The following SUMF1 variants were observed in gnomAD, a reference collection of about 807,000 sequenced individuals.
SUMF1 encodes formylglycine-generating enzyme.
In SUMF1, 48 loss-of-function variants were observed where a neutral mutation model predicts 47.6. The ratio of observed to expected loss-of-function variants is 1.01; its 90% CI spans 0.80 to 1.28. The LOEUF (loss-of-function observed/expected upper bound fraction) is 1.28. Among genes scored for constraint, SUMF1 ranks in the 50% most tolerant of loss-of-function variants. SUMF1 has a pLI of 0.00. For synonymous variants in SUMF1, 230 were observed against 192.1 expected (o/e 1.20, Z -1.63); for missense variants, 571 against 485.4 (o/e 1.18, Z -1.66).
intron 8 of SUMF1, among the ~76,000 whole-genome samples, chr3:4,175,383 T>C (rs1694936221): frequency 6.6e-6 from 1 of 152,128 alleles, no homozygotes; most frequent in African/African-American, 2.4e-5. Flanking sequence ...CTGCTGGTGA[T>C]ACCCAGGCAA....
intron 7 of SUMF1, among the ~76,000 whole-genome samples, chr3:4,396,981 A>T (rs576056048): frequency 1.3e-5 from 2 of 152,374 alleles, no homozygotes; most frequent in South Asian, 2.1e-4. Flanking sequence ...CACATATCAC[A>T]TTAGATTTCT....
intron 8 of SUMF1, among the ~76,000 whole-genome samples, chr3:4,189,556 C>T (rs1695271625): frequency 6.6e-6 from 1 of 152,052 alleles, no homozygotes; most frequent in African/African-American, 2.4e-5. Context: ...AATAGGGTTT[C>T]AGTTCAGCTA....
At chr3:4,421,480 T>G (rs1701895237) in intron 3 of SUMF1, among the ~76,000 whole-genome samples, 1 of 152,050 alleles carries the variant, frequency 6.6e-6, no homozygotes, top group Admixed American at 6.6e-5. Flanking sequence ...AGAACAGATG[T>G]TGCAAATGAT....
chr3:4,217,944 G>C (rs1695972608), intron 8 of SUMF1, among the ~76,000 whole-genome samples: 1 of 151,960 alleles, frequency 6.6e-6, no homozygotes, highest in Non-Finnish European at 1.5e-5. Flanking sequence ...AAGTGGATGA[G>C]AATCTCACCT....
chr3:4,456,655 T>TGTATATATATATATAC (rs2079613834), intron 1 of SUMF1, among the ~76,000 whole-genome samples: 4 of 145,370 alleles, frequency 2.8e-5, no homozygotes, highest in Non-Finnish European at 4.5e-5. Context: ...TATATATGTG[T>TGTATATATATATATAC]GTGTATATAT....
intron 8 of SUMF1, among the ~76,000 whole-genome samples, chr3:4,370,667 G>A (rs1412641236): frequency 1.3e-5 from 2 of 152,122 alleles, no homozygotes; most frequent in East Asian, 3.9e-4. Context: ...CATATCTGAA[G>A]ACCCCGGTAT....
chr3:4,293,158 C>T (rs1697774018), intron 8 of SUMF1, among the ~76,000 whole-genome samples: 1 of 152,070 alleles, frequency 6.6e-6, no homozygotes, highest in Non-Finnish European at 1.5e-5. Flanking sequence ...TTCAGAGCTG[C>T]CTGTTATGAC....
At chr3:4,330,595 G>A (rs1699030472) in intron 8 of SUMF1, among the ~76,000 whole-genome samples, 1 of 152,184 alleles carries the variant, frequency 6.6e-6, no homozygotes, top group South Asian at 2.1e-4. Context: ...CCCCGCCCTT[G>A]ACACATGGGA....
chr3:4,201,942 A>T (rs908157009), intron 8 of SUMF1, among the ~76,000 whole-genome samples: 1 of 151,800 alleles, frequency 6.6e-6, no homozygotes, highest in East Asian at 1.9e-4. Context: ...CCATTTTTTT[A>T]ATCTGATTAT....
intron 9 of SUMF1, among the ~76,000 whole-genome samples, chr3:4,039,390 A>C: frequency 1.7e-5 from 1 of 58,258 alleles, no homozygotes; most frequent in Non-Finnish European, 3.4e-5. Context: ...ACCCCACCAC[A>C]GTCCCCAGAG....
At chr3:4,054,013 C>T (rs1205305946) in intron 9 of SUMF1, among the ~76,000 whole-genome samples, 4 of 152,076 alleles carry the variant, frequency 2.6e-5, no homozygotes, top group Non-Finnish European at 1.5e-5. Flanking sequence ...CAAAACTCGT[C>T]TCTACCAAAT....
chr3:4,371,375 C>T (rs1700162145), intron 8 of SUMF1, among the ~76,000 whole-genome samples: 2 of 152,160 alleles, frequency 1.3e-5, no homozygotes, highest in African/African-American at 4.8e-5. Context: ...GGGAACAATC[C>T]ATTTAAGATA....
chr3:4,316,232 CAA>C (rs1559220459), intron 8 of SUMF1: 2 of 727,362 alleles, frequency 2.7e-6, no homozygotes, highest in Admixed American at 4.0e-5. Flanking sequence ...TGATGTTAGA[CAA>C]AAAGCAAATT....
intron 8 of SUMF1, among the ~76,000 whole-genome samples, chr3:4,186,101 C>T (rs1392210893): frequency 6.6e-6 from 1 of 152,092 alleles, no homozygotes; most frequent in South Asian, 2.1e-4. Flanking sequence ...TCAAATACAC[C>T]CAAGATGTTA....
intron 9 of SUMF1, among the ~76,000 whole-genome samples, chr3:4,044,231 G>A (rs966941432): frequency 6.6e-6 from 1 of 152,146 alleles, no homozygotes; most frequent in Admixed American, 6.5e-5. Context: ...GGATTTCTGA[G>A]ACCCTTCCTC....
chr3:4,417,136 T>C lies in SUMF1; in HGVS notation c.832A>G (p.Thr278Ala), dbSNP rs1701740172. The change falls in exon 6 of 9, where the codon ACT (threonine) becomes GCT (alanine). Residue 278 changes from threonine (T) to alanine (A), a missense_variant. By Grantham distance (58) the Thr-to-Ala change is moderately conservative. Transcript: ENST00000272902. ...TNTGEDGFQG[T>A]APVDAFPPNG... Reference sequence around the variant, plus strand: ...GAGGTCTCATTACTCACAGGCGCAGTTCCTTGGAAGCCATCCTCACCAGTG... The same window carrying C: ...GAGGTCTCATTACTCACAGGCGCAGCTCCTTGGAAGCCATCCTCACCAGTG... 6.2e-7 allele frequency: 1 copy of C among 1,613,720 alleles called. No homozygotes were observed.
chr3:4,200,653 C>G (rs761720952), intron 8 of SUMF1, among the ~76,000 whole-genome samples: 2 of 152,122 alleles, frequency 1.3e-5, no homozygotes, highest in Non-Finnish European at 2.9e-5. Flanking sequence ...GATGGCCTAT[C>G]ATGGGAGTTC....
intron 8 of SUMF1, among the ~76,000 whole-genome samples, chr3:4,111,556 A>G (rs996530072): frequency 6.6e-6 from 1 of 151,984 alleles, no homozygotes; most frequent in South Asian, 2.1e-4. Context: ...CGTCTCTACT[A>G]AAAATACAAA....
chr3:4,207,619 G>C (rs1169709351), intron 8 of SUMF1, among the ~76,000 whole-genome samples: 1 of 151,862 alleles, frequency 6.6e-6, no homozygotes, highest in African/African-American at 2.4e-5. Flanking sequence ...AACTGATTTT[G>C]GGTTAATAAG....
Sources: gnomAD v4.1 joint callset for allele counts (sites outside exome capture counted in the v4.1 genomes callset) on GRCh38, gnomAD v4.1.1 for gene constraint, MANE v1.5 for transcripts, NCBI Gene and HGNC (gene_info 2026-07-23, HGNC 2026-07-21) for gene names.